The following SYK variants were observed in gnomAD, a reference collection of about 807,000 sequenced individuals.
SYK encodes tyrosine-protein kinase SYK.
A neutral mutation model predicts 77.8 loss-of-function variants in SYK; 16 were observed. That is an observed-to-expected ratio of 0.21 (90% CI 0.14 to 0.31). The LOEUF is 0.31. Ranked by LOEUF, SYK falls within the 10% of genes least tolerant of loss-of-function variation. SYK has a pLI of 1.00. For synonymous variants in SYK, 312 were observed against 308.7 expected (o/e 1.01, Z -0.11); for missense variants, 529 against 814.4 (o/e 0.65, Z 4.26).
intron 13 of SYK, among the ~76,000 whole-genome samples, chr9:90,889,860 A>C (rs1331931810): frequency 2.6e-5 from 4 of 152,196 alleles, no homozygotes; most frequent in South Asian, 4.1e-4. Flanking sequence ...AATCGTAAGA[A>C]CCATTGGCAG....
chr9:90,898,425 A>C lies in SYK; in HGVS notation c.*2825A>C, dbSNP rs8773. On this transcript the variant is annotated 3_prime_UTR_variant, in exon 14 of 14. Transcript: ENST00000375754. ...CTACAGCTGCATTGTCAGGTCTCCC[A>C]GCCCTGCAGAGAGCTCCCTCCACTG... The C allele has an allele frequency of 0.16, 36,490 of 224,708 alleles. 3,485 individuals are homozygous for C. The highest frequency in any genetic ancestry group is 0.21 in the Non-Finnish European group (24,106 of 112,772). 13.9% of individuals were successfully genotyped at this position (224,708 alleles called of 1,614,324 possible). A position where few individuals can be genotyped will look rare whatever the true frequency, so the allele number is the denominator to read the frequency against.
At position 90,877,567 on chromosome 9, in the gene SYK, G is replaced by T; in HGVS notation, c.1182-4G>T. 1 of 1,614,010 alleles carries T rather than the reference G, an allele frequency of 6.2e-7. No individual in the cohort carries two copies. Among genetic ancestry groups the T allele is most frequent in the Non-Finnish European group, 8.5e-7 (1 of 1,179,942 alleles). On this transcript the variant is annotated splice_polypyrimidine_tract_variant and splice_region_variant and intron_variant, in intron 9 of 13. Coordinates refer to ENST00000375754, the MANE Select transcript of SYK (RefSeq NM_003177.7). ...TTTCTTGTGTGTTATGATTTCTCTT[G>T]CAGAGTTGTGAAAACCGTGGCTGTG...
chr9:90,864,518 T>C, intron 4 of SYK, 71 bp from the exon 5 acceptor site: 1 of 1,343,790 alleles, frequency 7.4e-7, no homozygotes, highest in Non-Finnish European at 1.1e-6. Flanking sequence ...AGTCAGTCAG[T>C]AGCTCTCAGT....
chr9:90,835,092 AAC>A (rs1826021643), intron 1 of SYK, among the ~76,000 whole-genome samples: 1 of 152,214 alleles, frequency 6.6e-6, no homozygotes. Flanking sequence ...CTACACACAT[AAC>A]AGAGAAGGAT....
rs556975519 is a variant in SYK, at chr9:90,831,601, T to C, written c.-41-12257T>C. ...GGAAATTACTTATTATCAGTCCTCA[T>C]GATTCATGGATTCCATATCTCCGCA... On this transcript the variant is annotated intron_variant, in intron 1 of 13. Coordinates refer to ENST00000375754, the MANE Select transcript of SYK (RefSeq NM_003177.7). Among the ~76,000 whole-genome samples the C allele has an allele frequency of 3.3e-5, 5 of 152,338 alleles. No individual in the cohort carries two copies. In the South Asian group the frequency reaches 1.0e-3, roughly 32 times the overall value.
At chr9:90,814,164 C>T (rs898731249) in intron 1 of SYK, among the ~76,000 whole-genome samples, 3 of 152,124 alleles carry the variant, frequency 2.0e-5, no homozygotes, top group Non-Finnish European at 2.9e-5. Flanking sequence ...GTATCACCCC[C>T]ATTATCAAAA....
chr9:90,881,684 A>AAAAAAAAAAAAT (rs1554713943), intron 11 of SYK, among the ~76,000 whole-genome samples: 26 of 151,436 alleles, frequency 1.7e-4, no homozygotes, highest in African/African-American at 6.3e-4. Flanking sequence ...TGTCTCAAAA[A>AAAAAAAAAAAAT]AAAAAAGGAA....
chr9:90,817,864 TGTGTGTGTGTGTGTGTGTGAGA>T (rs953040463), intron 1 of SYK, among the ~76,000 whole-genome samples: 12 of 110,072 alleles, frequency 1.1e-4, no homozygotes, highest in Admixed American at 5.8e-4. Flanking sequence ...TGTGTGTGTG[TGTGTGTGTGTGTGTGTGTGAGA>T]GAGAGAGAGA....
At chr9:90,806,325 TCA>T (rs920956888) in intron 1 of SYK, among the ~76,000 whole-genome samples, 1 of 152,212 alleles carries the variant, frequency 6.6e-6, no homozygotes, top group African/African-American at 2.4e-5. Context: ...CAGTTGCTCT[TCA>T]GTCTTGCTAT....
intron 7 of SYK, among the ~76,000 whole-genome samples, chr9:90,871,691 A>T (rs1325661763): frequency 6.6e-6 from 1 of 152,196 alleles, no homozygotes; most frequent in Non-Finnish European, 1.5e-5. Flanking sequence ...TTTCTTCCAC[A>T]TTCTTCCAGT....
intron 1 of SYK, among the ~76,000 whole-genome samples, chr9:90,809,851 G>A (rs910607385): frequency 1.3e-5 from 2 of 152,174 alleles, no homozygotes; most frequent in African/African-American, 4.8e-5. Flanking sequence ...TGTTGCTGTC[G>A]TGAGGGTTGG....
At chr9:90,889,542 TCCCCA>T (rs1291367078) in intron 13 of SYK, among the ~76,000 whole-genome samples, 1 of 152,180 alleles carries the variant, frequency 6.6e-6, no homozygotes, top group Non-Finnish European at 1.5e-5. Context: ...AGACCTCCCC[TCCCCA>T]CCCTGGGAGT....
intron 9 of SYK, among the ~76,000 whole-genome samples, chr9:90,876,287 C>CA (rs71923873): frequency 0.014 from 1,663 of 119,944 alleles, 27 homozygotes; most frequent in South Asian, 0.048. Context: ...AACTCTGCCT[C>CA]AAAAAAAAAA....
At chr9:90,825,752 T>G (rs887585117) in intron 1 of SYK, among the ~76,000 whole-genome samples, 1 of 152,060 alleles carries the variant, frequency 6.6e-6, no homozygotes, top group African/African-American at 2.4e-5. Context: ...AAAAGAGATG[T>G]GGAGGAAAAG....
chr9:90,819,987 A>C (rs559723986), intron 1 of SYK, among the ~76,000 whole-genome samples: 1 of 152,200 alleles, frequency 6.6e-6, no homozygotes, highest in East Asian at 1.9e-4. Flanking sequence ...CAAAACAAAG[A>C]GGTTACAGGG....
intron 1 of SYK, among the ~76,000 whole-genome samples, chr9:90,826,535 G>A (rs1825672909): frequency 1.3e-5 from 2 of 152,234 alleles, no homozygotes; most frequent in Admixed American, 6.5e-5. Context: ...ATTGCCTACT[G>A]TTGTGTTTCT....
At chr9:90,890,244 A>AC (rs1418871227) in intron 13 of SYK, among the ~76,000 whole-genome samples, 1 of 152,020 alleles carries the variant, frequency 6.6e-6, no homozygotes, top group Non-Finnish European at 1.5e-5. Context: ...GCTGCTGAAT[A>AC]CCCTTTGGGC....
chr9:90,895,867 T>A lies in SYK; in HGVS notation c.*267T>A. The A allele has an allele frequency of 2.2e-6, 1 of 459,060 alleles. No individual in the cohort carries two copies. The highest frequency in any genetic ancestry group is 3.5e-5 in the East Asian group (1 of 28,674). 28.4% of individuals were successfully genotyped at this position (459,060 alleles called of 1,614,324 possible). On this transcript the variant is annotated 3_prime_UTR_variant, in exon 14 of 14. Coordinates refer to ENST00000375754, the MANE Select transcript of SYK (RefSeq NM_003177.7). This position sits in a 1 kb window ranked among gnomAD's most constrained non-coding sequence, Gnocchi z 4.4. ...CTTGTCTGTGTGATTTTCATACAGGTTATTTTTACGATCTGTTTCCAAATC... is the reference window on the plus strand; with the variant it reads ...CTTGTCTGTGTGATTTTCATACAGGATATTTTTACGATCTGTTTCCAAATC...
intron 1 of SYK, among the ~76,000 whole-genome samples, chr9:90,836,120 C>G (rs1826074624): frequency 6.6e-6 from 1 of 151,972 alleles, no homozygotes; most frequent in South Asian, 2.1e-4. Context: ...AACCCCGTCT[C>G]TACTAAACAT....
Sources: allele counts gnomAD v4.1 joint callset (sites outside exome capture counted in the v4.1 genomes callset), GRCh38; gene constraint gnomAD v4.1.1; non-coding constraint Gnocchi (gnomAD v3.1); transcripts MANE v1.5; gene names NCBI Gene and HGNC (gene_info 2026-07-23, HGNC 2026-07-21).